ALPK2: variants seen among roughly 807,000 people sequenced by gnomAD.
The protein encoded by ALPK2 is alpha-protein kinase 2.
Under a neutral mutation model 163.1 loss-of-function variants are expected in ALPK2, and 127 were observed. The ratio of observed to expected loss-of-function variants is 0.78; its 90% CI spans 0.67 to 0.90. The LOEUF is 0.90. Among genes scored for constraint, ALPK2 ranks in the 40% least tolerant of loss-of-function variants. ALPK2 has a pLI of 0.00. For synonymous variants in ALPK2, 953 were observed against 959.1 expected, an observed-to-expected ratio of 0.99 and a Z score of 0.12; for missense variants, 2,360 against 2,589.6, an observed-to-expected ratio of 0.91 and a Z score of 1.92.
At position 58,524,029 on chromosome 18, in the gene ALPK2, G is replaced by A. The variant is rs144528642; in HGVS notation, c.5535C>T (p.Ile1845=). 29 of 1,613,744 alleles carry A rather than the reference G, an allele frequency of 1.8e-5. No individual in the cohort carries two copies. The East Asian group carries it at 3.8e-4, about 21-fold the overall frequency. Residue 1845 remains isoleucine, a synonymous_variant, in exon 7 of 13, where the codon ATC becomes ATT. Coordinates refer to ENST00000361673, the MANE Select transcript of ALPK2 (RefSeq NM_052947.4). ...CCTGGTCCTTCGGACTGGCTTGCAC[G>A]ATGGCAAAGGAAACAGTGGAGTTGT... ...AGDNSTVSFA[I]VQASPKDQGL...
intron 2 of ALPK2, among the ~76,000 whole-genome samples, chr18:58,608,289 C>T (rs2052108923): frequency 6.6e-6 from 1 of 152,132 alleles, no homozygotes; most frequent in African/African-American, 2.4e-5. Flanking sequence ...GCATATGTTA[C>T]TGATATCATC....
At chr18:58,516,830 C>G (rs1568071940) in intron 9 of ALPK2, 78 bp downstream of exon 9, 15 of 1,503,566 alleles carry the variant, frequency 1.0e-5, no homozygotes, top group Non-Finnish European at 9.1e-6. Context: ...CCCATCAATC[C>G]TGAGTCTGAT....
intron 4 of ALPK2, among the ~76,000 whole-genome samples, chr18:58,577,684 C>G (rs2051928938): frequency 6.6e-6 from 1 of 152,176 alleles, no homozygotes; most frequent in Admixed American, 6.5e-5. Flanking sequence ...TTTTACCTGG[C>G]CAGTTTGGCC....
rs749447061 is a variant in ALPK2, at chr18:58,579,456, C to G, written c.1320G>C (p.Thr440=). The G allele has an allele frequency of 1.9e-6, 3 of 1,614,072 alleles. No homozygotes were observed. In the South Asian group the frequency reaches 3.3e-5, roughly 18 times the overall value. ...ATCTCCCCTGTTCTGTCACTGAAGA[C>G]GTTCCATCCTGGTGAGGTCCCAAAA... ...TLILGPHQDG[T]SSVTEQGRYK... Residue 440 remains threonine, a synonymous_variant, in exon 4 of 13, where the codon ACG becomes ACC. Transcript: ENST00000361673.
At chr18:58,486,016 A>G (rs1568063090) in intron 12 of ALPK2, among the ~76,000 whole-genome samples, 1 of 152,008 alleles carries the variant, frequency 6.6e-6, no homozygotes, top group Non-Finnish European at 1.5e-5. Flanking sequence ...GTCCTGAAGC[A>G]CTCCCTTGCC....
At position 58,579,606 on chromosome 18, in the gene ALPK2, G is replaced by C; in HGVS notation, c.1170C>G (p.Asp390Glu). The change falls in exon 4 of 13, where the codon GAC (aspartate) becomes GAG (glutamate). Residue 390 changes from aspartate (D) to glutamate (E), a missense_variant. Asp to Glu is a conservative substitution (Grantham distance 45). Transcript: ENST00000361673. ...CAGCAGTGGCAACCATAGGCCCAGC[G>C]TCACCCGACACCCGAGACCCACAAC... The part of the protein sequence containing the change: ...GMGCGSRVSG[D>E]AGPMVATAGF... 6.2e-7 allele frequency: 1 copy of C among 1,613,560 alleles called. No homozygotes were observed. Among genetic ancestry groups the C allele is most frequent in the East Asian group, 2.2e-5 (1 of 44,864 alleles).
In ALPK2 at chr18:58,521,627, C is replaced by CTCTTTTTTTTTT. The variant is rs59358600; in HGVS notation, c.5665+2178_5665+2179insAAAAAAAAAAGA. The stretch of plus-strand genomic sequence containing the variant: ...TTTCTTTTTCTTTCTTTCTCTCTCT[C>CTCTTTTTTTTTT]TTTTTTTTTTTTTTTTTTTGAGATG... On this transcript the variant is annotated intron_variant, in intron 8 of 12. Transcript: ENST00000361673. Among the ~76,000 whole-genome samples, 177 of 55,388 alleles carry CTCTTTTTTTTTT rather than the reference C, an allele frequency of 3.2e-3. 4 individuals carry two copies. The highest frequency in any genetic ancestry group is 5.0e-3 in the Non-Finnish European group (144 of 28,562). 36.3% of individuals were successfully genotyped at this position (55,388 alleles called of 152,430 possible).
chr18:58,583,407 G>C (rs750686638), intron 3 of ALPK2, among the ~76,000 whole-genome samples: 1 of 152,114 alleles, frequency 6.6e-6, no homozygotes, highest in Non-Finnish European at 1.5e-5. Flanking sequence ...CAAGGGGTGT[G>C]GGGGCAGTGG....
intron 12 of ALPK2, among the ~76,000 whole-genome samples, chr18:58,494,366 C>T (rs2051390915): frequency 6.6e-6 from 1 of 152,188 alleles, no homozygotes; most frequent in African/African-American, 2.4e-5. Context: ...TGACATACTC[C>T]TGTTAAAAGG....
intron 4 of ALPK2, among the ~76,000 whole-genome samples, chr18:58,572,185 A>G (rs2051889349): frequency 6.6e-6 from 1 of 152,198 alleles, no homozygotes; most frequent in African/African-American, 2.4e-5. Flanking sequence ...GCAAATTAAA[A>G]GCTACAATGG....
At chr18:58,573,232 G>GTGTGTATATA (rs1455010754) in intron 4 of ALPK2, among the ~76,000 whole-genome samples, 2 of 10,816 alleles carry the variant, frequency 1.8e-4, no homozygotes, top group Non-Finnish European at 3.5e-4. Flanking sequence ...ATGTGTATAT[G>GTGTGTATATA]TGTGTATATA....
At chr18:58,538,357 A>G in intron 4 of ALPK2, 133 bp from the exon 5 acceptor site, 1 of 847,402 alleles carries the variant, frequency 1.2e-6, no homozygotes, top group South Asian at 1.9e-5. Flanking sequence ...CTAAACATTA[A>G]TCCCCCAACT....
At chr18:58,503,346 C>T (rs1161815405) in intron 11 of ALPK2, among the ~76,000 whole-genome samples, 2 of 152,134 alleles carry the variant, frequency 1.3e-5, no homozygotes, top group Admixed American at 6.5e-5. Flanking sequence ...ACAGTAAAGC[C>T]AATCTCTGGT....
At chr18:58,566,882 C>T (rs2051856580) in intron 4 of ALPK2, among the ~76,000 whole-genome samples, 1 of 152,176 alleles carries the variant, frequency 6.6e-6, no homozygotes, top group Non-Finnish European at 1.5e-5. Context: ...TCCTGTGAGT[C>T]TTTACAGAAA....
intron 4 of ALPK2, among the ~76,000 whole-genome samples, chr18:58,558,793 C>T (rs1307688949): frequency 1.3e-5 from 2 of 152,170 alleles, no homozygotes; most frequent in African/African-American, 4.8e-5. Context: ...CCCTTGGAAA[C>T]ATTACACTAA....
chr18:58,527,090 A>G (rs928021767), intron 6 of ALPK2, among the ~76,000 whole-genome samples: 5 of 152,214 alleles, frequency 3.3e-5, no homozygotes, highest in Non-Finnish European at 1.5e-5. Flanking sequence ...TGCTCCTTTG[A>G]ACAACTCTTG....
chr18:58,483,726 ATT>A (rs35380816), intron 12 of ALPK2, among the ~76,000 whole-genome samples: 30 of 132,798 alleles, frequency 2.3e-4, no homozygotes, highest in Non-Finnish European at 2.7e-4. Flanking sequence ...AATTTTTTGT[ATT>A]TTTTTTTTTT....
chr18:58,516,624 G>A (rs2051522887), intron 9 of ALPK2, among the ~76,000 whole-genome samples: 1 of 152,140 alleles, frequency 6.6e-6, no homozygotes, highest in Non-Finnish European at 1.5e-5. Flanking sequence ...CAAACCGCCA[G>A]GGATGTCATA....
chr18:58,531,011 G>C (rs778792485), intron 5 of ALPK2, among the ~76,000 whole-genome samples: 2 of 151,928 alleles, frequency 1.3e-5, no homozygotes, highest in Non-Finnish European at 2.9e-5. Flanking sequence ...GACCAGCCTG[G>C]GCAACATAGC....
Sources: allele counts gnomAD v4.1 joint callset (sites outside exome capture counted in the v4.1 genomes callset), GRCh38; gene constraint gnomAD v4.1.1; transcripts MANE v1.5; gene names NCBI Gene and HGNC (gene_info 2026-07-23, HGNC 2026-07-21).